The following ATP5F1C variants were observed in gnomAD, a reference collection of about 807,000 sequenced individuals.
ATP5F1C encodes ATP synthase F1 subunit gamma.
ATP5F1C carries 22 observed loss-of-function variants against 37.4 expected under a neutral mutation model. The ratio of observed to expected loss-of-function variants is 0.59; its 90% confidence interval spans 0.42 to 0.84. The LOEUF (loss-of-function observed/expected upper bound fraction) is 0.84, where lower values mean the gene tolerates loss of function less well. Ranked by LOEUF, ATP5F1C falls within the 40% of genes least tolerant of loss-of-function variation. The pLI is 0.00. For synonymous variants in ATP5F1C, 121 were observed against 128.0 expected, an observed-to-expected ratio of 0.95 and a Z score of 0.37; for missense variants, 286 against 362.4, an observed-to-expected ratio of 0.79 and a Z score of 1.71.
intron 6 of ATP5F1C, among the ~76,000 whole-genome samples, chr10:7,800,829 GA>G (rs1378901321): frequency 6.6e-6 from 1 of 152,182 alleles, no homozygotes; most frequent in African/African-American, 2.4e-5. Context: ...GCCATCTCTT[GA>G]CTTCCATGAT....
rs575174512 is a variant in ATP5F1C, at chr10:7,788,215, C to T, written c.8C>T (p.Ser3Phe). 1.2e-6 allele frequency: 2 copies of T among 1,613,538 alleles called. No homozygotes were observed. The highest frequency in any genetic ancestry group is 1.3e-5 in the African/African-American group (1 of 75,080). The change falls in exon 1 of 10, where the codon TCT becomes TTT. Residue 3 changes from serine (S) to phenylalanine (F), a missense_variant. Coordinates refer to ENST00000356708, the MANE Select transcript of ATP5F1C (RefSeq NM_001001973.3). MF[S>F]RAGVAGLSAW... ...AGCAGGGCTGTGGCTACCATGTTCT[C>T]TCGCGCGGGTGTCGCTGGGCTGTCG...
Position 7,807,768 on chromosome 10 carries a change from T to C in ATP5F1C, c.*140T>C, listed in dbSNP as rs1384383629. 2 of 1,213,850 alleles carry C rather than the reference T, an allele frequency of 1.6e-6. No homozygotes were observed. The highest frequency in any genetic ancestry group is 2.3e-6 in the Non-Finnish European group (2 of 866,724). 75.2% of individuals were successfully genotyped at this position (1,213,850 alleles called of 1,614,324 possible). On this transcript the variant is annotated 3_prime_UTR_variant, in exon 10 of 10. Coordinates refer to ENST00000356708, the MANE Select transcript of ATP5F1C (RefSeq NM_001001973.3). ...ATTACTGAAGACAGCAAGATATTTG[T>C]AAATTATCTTAAAATAAACAACTTA...
chr10:7,806,668 A>C (rs937711091), intron 8 of ATP5F1C, among the ~76,000 whole-genome samples: 1 of 151,502 alleles, frequency 6.6e-6, no homozygotes, highest in South Asian at 2.1e-4. Flanking sequence ...AAAAAAAAAA[A>C]CCTCTAAATA....
chr10:7,806,942 T>C (rs372218620), intron 8 of ATP5F1C, 32 bp from the exon 9 acceptor site: 159 of 1,592,328 alleles, frequency 1.0e-4, no homozygotes, highest in Non-Finnish European at 1.3e-4. Flanking sequence ...GCTTGTTTTG[T>C]GTTTGTCTTT....
intron 6 of ATP5F1C, among the ~76,000 whole-genome samples, chr10:7,801,026 G>GTTGAA (rs1836355466): frequency 6.6e-6 from 1 of 151,428 alleles, no homozygotes; most frequent in African/African-American, 2.4e-5. Context: ...AGAATAGAGA[G>GTTGAA]TTGAACAGTG....
At chr10:7,789,451 T>C (rs1391648882) in intron 1 of ATP5F1C, among the ~76,000 whole-genome samples, 1 of 152,080 alleles carries the variant, frequency 6.6e-6, no homozygotes, top group Non-Finnish European at 1.5e-5. Context: ...GATTTTTTTT[T>C]CTCTAATATG....
intron 8 of ATP5F1C, among the ~76,000 whole-genome samples, chr10:7,804,522 C>T (rs1294537497): frequency 1.3e-5 from 2 of 152,204 alleles, no homozygotes; most frequent in African/African-American, 2.4e-5. Flanking sequence ...TGACTGCCTC[C>T]TGTGTATCCT....
chr10:7,798,676 G>T (rs186155751), intron 3 of ATP5F1C, among the ~76,000 whole-genome samples: 1 of 152,256 alleles, frequency 6.6e-6, no homozygotes, highest in Non-Finnish European at 1.5e-5. Context: ...GATTACAGAC[G>T]TGAGCCACCG....
intron 1 of ATP5F1C, among the ~76,000 whole-genome samples, chr10:7,790,555 C>G (rs1187313998): frequency 6.6e-6 from 1 of 152,094 alleles, no homozygotes; most frequent in Admixed American, 6.6e-5. Context: ...TCATAAACTA[C>G]AGATACCGAT....
rs148907421 is a variant in ATP5F1C at position 7,806,313 on chromosome 10, C to A, written c.891-661C>A. 3.5e-3 allele frequency among the ~76,000 whole-genome samples: 534 copies of A among 152,264 alleles called. 5 individuals carry two copies. The highest frequency in any genetic ancestry group is 0.012 in the African/African-American group (519 of 41,560). On this transcript the variant is annotated intron_variant, in intron 8 of 9. Transcript: ENST00000356708. ...GGCTATTTAGTAATATAATTAAGAA[C>A]ATGAGTAAACCATAGTATTCGAGGT...
intron 8 of ATP5F1C, 104 bp downstream of exon 8, chr10:7,802,958 A>G (rs1324992281): frequency 9.0e-6 from 8 of 893,474 alleles, no homozygotes; most frequent in Non-Finnish European, 1.2e-5. Context: ...TTGAAGTTGA[A>G]ACTCATTGCT....
chr10:7,788,242 C>T lies in ATP5F1C; in HGVS notation c.35C>T (p.Ala12Val), dbSNP rs371903595. The change falls in exon 1 of 10, where the codon GCC (alanine) becomes GTC (valine). Residue 12 changes from alanine (A) to valine (V), a missense_variant. Ala to Val is a moderately conservative substitution (Grantham distance 64). Transcript: ENST00000356708. ...FSRAGVAGLS[A>V]WTLQPQWIQV... Reference sequence around the variant, plus strand: ...CGCGCGGGTGTCGCTGGGCTGTCGGCCTGGACCTTGCAGCCGCAATGGTAT... The same window carrying T: ...CGCGCGGGTGTCGCTGGGCTGTCGGTCTGGACCTTGCAGCCGCAATGGTAT... 28 of 1,613,448 alleles carry T rather than the reference C, an allele frequency of 1.7e-5. No individual in the cohort carries two copies. The highest frequency in any genetic ancestry group is 3.3e-5 in the South Asian group (3 of 91,024).
chr10:7,790,353 G>A (rs1204996864), intron 1 of ATP5F1C, among the ~76,000 whole-genome samples: 1 of 151,960 alleles, frequency 6.6e-6, no homozygotes, highest in African/African-American at 2.4e-5. Flanking sequence ...TAGTTGTTAG[G>A]GTATCGGCAA....
chr10:7,794,694 G>A (rs1836211605), intron 1 of ATP5F1C, among the ~76,000 whole-genome samples: 1 of 152,152 alleles, frequency 6.6e-6, no homozygotes, highest in South Asian at 2.1e-4. Flanking sequence ...CATACCTGGA[G>A]TAAATCCCAC....
At chr10:7,793,796 T>G (rs1307160897) in intron 1 of ATP5F1C, among the ~76,000 whole-genome samples, 1 of 152,242 alleles carries the variant, frequency 6.6e-6, no homozygotes, top group Non-Finnish European at 1.5e-5. Flanking sequence ...TAATTTTTAT[T>G]AAATTTGTAA....
intron 9 of ATP5F1C, 56 bp downstream of exon 9, chr10:7,807,066 A>C: frequency 6.7e-7 from 1 of 1,494,692 alleles, no homozygotes; most frequent in Non-Finnish European, 9.2e-7. Context: ...ATTCAGATAT[A>C]AGTTAAGCTA....
intron 1 of ATP5F1C, among the ~76,000 whole-genome samples, chr10:7,790,238 A>T (rs1224819537): frequency 1.3e-5 from 2 of 152,208 alleles, no homozygotes. Context: ...TGATTACTGG[A>T]AGTTTTTTAA....
intron 1 of ATP5F1C, among the ~76,000 whole-genome samples, chr10:7,794,889 A>G (rs1473523260): frequency 2.0e-5 from 3 of 152,210 alleles, no homozygotes; most frequent in African/African-American, 7.2e-5. Context: ...GTACATGTGA[A>G]GAAGTTAAAT....
intron 3 of ATP5F1C, among the ~76,000 whole-genome samples, chr10:7,798,288 G>C (rs1052194942): frequency 1.3e-5 from 2 of 152,004 alleles, no homozygotes; most frequent in East Asian, 3.9e-4. Context: ...CCAGGCTAGA[G>C]TGCAATGGTG....
Sources: allele counts gnomAD v4.1 joint callset (sites outside exome capture counted in the v4.1 genomes callset), GRCh38; gene constraint gnomAD v4.1.1; transcripts MANE v1.5; gene names NCBI Gene and HGNC (gene_info 2026-07-23, HGNC 2026-07-21).